KCNIP4: variants seen among roughly 807,000 people sequenced by gnomAD.
KCNIP4 encodes the protein potassium voltage-gated channel interacting protein 4.
In KCNIP4, 12 loss-of-function variants were observed where a neutral mutation model predicts 34.0. That is an observed-to-expected ratio of 0.35 (90% CI 0.23 to 0.57). KCNIP4 has a LOEUF of 0.57. Ranked by LOEUF, KCNIP4 falls within the 20% of genes least tolerant of loss-of-function variation. The pLI, the probability that KCNIP4 is intolerant of heterozygous loss-of-function variation, is 0.83. For synonymous variants in KCNIP4, 124 were observed against 102.2 expected (o/e 1.21, Z -1.29); for missense variants, 238 against 311.7 (o/e 0.76, Z 1.78).
intron 1 of KCNIP4, among the ~76,000 whole-genome samples, chr4:20,896,648 G>A (rs1297360122): frequency 6.6e-6 from 1 of 152,124 alleles, no homozygotes; most frequent in African/African-American, 2.4e-5. Flanking sequence ...CCTCCAGAAA[G>A]AGCCTACCCT....
At chr4:20,908,471 C>T (rs1728011105) in intron 1 of KCNIP4, among the ~76,000 whole-genome samples, 1 of 152,188 alleles carries the variant, frequency 6.6e-6, no homozygotes, top group Admixed American at 6.5e-5. Flanking sequence ...ATTAACTATG[C>T]TGAAAATTCA....
intron 3 of KCNIP4, among the ~76,000 whole-genome samples, chr4:20,838,102 C>A (rs1047282689): frequency 2.2e-4 from 34 of 152,260 alleles, no homozygotes; most frequent in African/African-American, 7.9e-4. Context: ...GGGCTCTGTG[C>A]TGTGAAGACT....
intron 1 of KCNIP4, among the ~76,000 whole-genome samples, chr4:21,652,751 G>T (rs184480452): frequency 2.0e-5 from 3 of 152,098 alleles, no homozygotes; most frequent in Non-Finnish European, 2.9e-5. Flanking sequence ...GATCACCAAA[G>T]AATACAGTTA....
chr4:21,601,528 C>T (rs1743157423), intron 1 of KCNIP4, among the ~76,000 whole-genome samples: 2 of 151,906 alleles, frequency 1.3e-5, no homozygotes, highest in South Asian at 2.1e-4. Context: ...TAAACATGTC[C>T]TCCACCCAAC....
rs57269885 is a variant in KCNIP4, at chr4:20,861,970, G to GTTATTATTATTATTA, written c.164-11318_164-11304dup. 1.3e-3 allele frequency among the ~76,000 whole-genome samples: 183 copies of GTTATTATTATTATTA among 142,096 alleles called. 1 individual carries two copies. Among genetic ancestry groups the GTTATTATTATTATTA allele is most frequent in the Middle Eastern group, 3.6e-3 (1 of 276 alleles). 93.2% of individuals were successfully genotyped at this position (142,096 alleles called of 152,430 possible). ...TCATGAATGGCCCCTTATGGTAGGAGTTATTATTATTATTATTATTATTAT... is the reference window on the plus strand; with the variant it reads ...TCATGAATGGCCCCTTATGGTAGGAGTTATTATTATTATTATTATTATTATTATTATTATTATTAT... On this transcript the variant is annotated intron_variant, in intron 2 of 8. Coordinates refer to ENST00000382152, the MANE Select transcript of KCNIP4 (RefSeq NM_025221.6).
intron 1 of KCNIP4, among the ~76,000 whole-genome samples, chr4:21,366,169 G>C (rs539547382): frequency 6.6e-6 from 1 of 152,240 alleles, no homozygotes; most frequent in South Asian, 2.1e-4. Context: ...AGGCTTGAAC[G>C]CTACCGGTGA....
At chr4:21,049,563 T>C (rs2108943862) in intron 1 of KCNIP4, among the ~76,000 whole-genome samples, 1 of 152,332 alleles carries the variant, frequency 6.6e-6, no homozygotes, top group East Asian at 1.9e-4. Context: ...AGTGTTTCTA[T>C]TCTGTGAAGT....
chr4:21,014,088 A>G (rs933951183), intron 1 of KCNIP4, among the ~76,000 whole-genome samples: 2 of 152,194 alleles, frequency 1.3e-5, no homozygotes, highest in African/African-American at 2.4e-5. Context: ...CCATATTCTG[A>G]TGACATCTAC....
chr4:21,030,420 A>G (rs1740916094), intron 1 of KCNIP4, among the ~76,000 whole-genome samples: 1 of 152,128 alleles, frequency 6.6e-6, no homozygotes, highest in Admixed American at 6.5e-5. Context: ...ATTATATATT[A>G]CTATGTAATA....
intron 1 of KCNIP4, among the ~76,000 whole-genome samples, chr4:21,519,494 G>GTGTATA (rs1735160050): frequency 5.0e-5 from 6 of 118,844 alleles, no homozygotes; most frequent in East Asian, 2.8e-4. Flanking sequence ...ACACATATGT[G>GTGTATA]TGTATGTGTA....
At position 21,250,749 on chromosome 4, in the gene KCNIP4, T is replaced by C. The variant is rs534904856; in HGVS notation, c.62-368040A>G. 1.3e-3 allele frequency among the ~76,000 whole-genome samples: 203 copies of C among 152,152 alleles called. 1 individual carries two copies. Among genetic ancestry groups the C allele is most frequent in the African/African-American group, 4.5e-3 (189 of 41,554 alleles). On this transcript the variant is annotated intron_variant, in intron 1 of 8. Coordinates refer to ENST00000382152, the MANE Select transcript of KCNIP4 (RefSeq NM_025221.6). ...TTCTAAAAAAAACATAGTCAACAAC[T>C]ACCCTAGGAGATCTGACCCAGTAGG...
chr4:21,625,696 C>A (rs1218042320), intron 1 of KCNIP4, among the ~76,000 whole-genome samples: 2 of 152,152 alleles, frequency 1.3e-5, no homozygotes, highest in African/African-American at 2.4e-5. Flanking sequence ...GTACTTTTGA[C>A]ATGCCTTTCA....
intron 1 of KCNIP4, among the ~76,000 whole-genome samples, chr4:21,320,624 G>A (rs1305407975): frequency 6.6e-6 from 1 of 152,106 alleles, no homozygotes; most frequent in African/African-American, 2.4e-5. Flanking sequence ...CAATTACCCT[G>A]TGAGCTTTGC....
intron 1 of KCNIP4, among the ~76,000 whole-genome samples, chr4:21,281,067 A>C (rs1762743757): frequency 6.6e-6 from 1 of 151,922 alleles, no homozygotes; most frequent in East Asian, 1.9e-4. Context: ...TATTTTTAAC[A>C]AAAAAAGTTA....
chr4:21,844,798 T>A (rs1232245275), intron 1 of KCNIP4: 1 of 152,078 alleles, frequency 6.6e-6, no homozygotes, highest in Non-Finnish European at 1.5e-5. Flanking sequence ...ATGTGTTCTA[T>A]GTTATGCTGA....
intron 1 of KCNIP4, among the ~76,000 whole-genome samples, chr4:21,168,527 G>C (rs915998256): frequency 6.6e-6 from 1 of 152,136 alleles, no homozygotes; most frequent in Non-Finnish European, 1.5e-5. Context: ...GCAAATAAAG[G>C]ACAGCTTTAC....
At position 21,141,881 on chromosome 4, in the gene KCNIP4, C is replaced by G. The variant is rs148703754; in HGVS notation, c.62-259172G>C. ...AAAATAACAACAAAAAAAAAAAACCCTGGCTCAAGTCTGTAATCCCAGCAC... is the reference window on the plus strand; with the variant it reads ...AAAATAACAACAAAAAAAAAAAACCGTGGCTCAAGTCTGTAATCCCAGCAC... On this transcript the variant is annotated intron_variant, in intron 1 of 8. Coordinates refer to ENST00000382152, the MANE Select transcript of KCNIP4 (RefSeq NM_025221.6). Among the ~76,000 whole-genome samples the G allele has an allele frequency of 7.3e-3, 1,110 of 151,530 alleles. 11 individuals are homozygous for G. The highest frequency in any genetic ancestry group is 0.024 in the African/African-American group (1,007 of 41,362).
chr4:20,803,257 AAAG>A (rs962777768), intron 3 of KCNIP4, among the ~76,000 whole-genome samples: 5 of 151,746 alleles, frequency 3.3e-5, no homozygotes, highest in Non-Finnish European at 5.9e-5. Context: ...GGAACTAGAA[AAAG>A]AAGAAGCTAC....
chr4:21,090,217 T>A (rs1746874273), intron 1 of KCNIP4, among the ~76,000 whole-genome samples: 1 of 152,204 alleles, frequency 6.6e-6, no homozygotes, highest in Non-Finnish European at 1.5e-5. Flanking sequence ...TTTATTTGCA[T>A]AACGACTGTT....
Sources: allele counts gnomAD v4.1 joint callset (sites outside exome capture counted in the v4.1 genomes callset), GRCh38; gene constraint gnomAD v4.1.1; transcripts MANE v1.5; gene names NCBI Gene and HGNC (gene_info 2026-07-23, HGNC 2026-07-21).